Variants in MOBP observed in about 807,000 individuals in gnomAD.
MOBP encodes myelin-associated oligodendrocyte basic protein.
A neutral mutation model predicts 15.0 loss-of-function variants in MOBP; 5 were observed. The observed-to-expected ratio is 0.33, with a 90% CI of 0.17 to 0.70. MOBP has a LOEUF of 0.70. MOBP is among the 30% of genes least tolerant of loss of function. The pLI is 0.67. For synonymous variants in MOBP, 88 were observed against 99.0 expected (o/e 0.89, Z 0.66); for missense variants, 188 against 257.8 (o/e 0.73, Z 1.85).
At chr3:39,523,983 G>A (rs1256211970) in intron 3 of MOBP, among the ~76,000 whole-genome samples, 3 of 152,144 alleles carry the variant, frequency 2.0e-5, no homozygotes, top group African/African-American at 7.2e-5. Context: ...CATCCTGATG[G>A]CTAAGAAAAA....
At chr3:39,507,094 C>G (rs2043058584), downstream of MOBP, among the ~76,000 whole-genome samples, 1 of 152,168 alleles carries the variant, frequency 6.6e-6, no homozygotes, top group Admixed American at 6.5e-5. Context: ...TATGATTTTG[C>G]CTTCTCTTGT....
At chr3:39,478,491 C>T (rs1160265030) in intron 1 of MOBP, among the ~76,000 whole-genome samples, 1 of 152,148 alleles carries the variant, frequency 6.6e-6, no homozygotes, top group Admixed American at 6.5e-5. Flanking sequence ...TGTATATTTT[C>T]CCAGTGGTTC....
At chr3:39,480,342 G>A (rs1768206) in intron 2 of MOBP, among the ~76,000 whole-genome samples, 32,573 of 151,924 alleles carry the variant, frequency 0.21, 3,910 homozygotes, top group African/African-American at 0.31. Context: ...TACCCCAGAG[G>A]GACTATGACC....
intron 1 of MOBP, among the ~76,000 whole-genome samples, chr3:39,468,934 CATTGTGTGTATATATACATATATACAT>C (rs2042399488): frequency 1.3e-5 from 1 of 77,906 alleles, no homozygotes; most frequent in African/African-American, 9.6e-5. Context: ...TACATATATA[CATTGTGTGTATATATACATATATACAT>C]ATGTGTGTGT....
Position 39,502,924 on chromosome 3 carries a change from T to A in MOBP, c.*44T>A. ...GTTCCCCAGCCCTAAGGTTAGTAGT[T>A]GCTTCCTGTGTTTACTAACACCGGG... On this transcript the variant is annotated 3_prime_UTR_variant, in exon 4 of 4. Transcript: ENST00000684792. This position sits in a 1 kb window ranked among gnomAD's most constrained non-coding sequence, Gnocchi z 6.3. 1 of 896,462 alleles carries A rather than the reference T, an allele frequency of 1.1e-6. No individual in the cohort carries two copies. Among genetic ancestry groups the A allele is most frequent in the Non-Finnish European group, 1.7e-6 (1 of 604,146 alleles). 55.5% of individuals were successfully genotyped at this position (896,462 alleles called of 1,614,324 possible).
chr3:39,497,273 C>T (rs2042901536), intron 2 of MOBP, among the ~76,000 whole-genome samples: 1 of 152,224 alleles, frequency 6.6e-6, no homozygotes, highest in Admixed American at 6.5e-5. Flanking sequence ...CTGGCGCTGG[C>T]AGAGAAGTCC....
At chr3:39,501,178 A>G (rs559737364) in intron 2 of MOBP, among the ~76,000 whole-genome samples, 13 of 152,364 alleles carry the variant, frequency 8.5e-5, no homozygotes, top group African/African-American at 3.1e-4. Context: ...CATGCTTTGT[A>G]CACACTTGTA....
chr3:39,525,326 G>A (rs893267765), downstream of MOBP: 5 of 152,218 alleles, frequency 3.3e-5, no homozygotes, highest in Non-Finnish European at 5.9e-5. Context: ...TGTTCTTGTG[G>A]CTTCTGATGA....
At chr3:39,491,541 GT>G (rs5848506) in intron 2 of MOBP, among the ~76,000 whole-genome samples, 45,250 of 151,930 alleles carry the variant, frequency 0.3, 9,118 homozygotes, top group African/African-American at 0.57. Flanking sequence ...TATATTTTGG[GT>G]TTTTGTAATT....
At chr3:39,491,825 T>A (rs985624988) in intron 2 of MOBP, among the ~76,000 whole-genome samples, 3 of 152,162 alleles carry the variant, frequency 2.0e-5, no homozygotes, top group Non-Finnish European at 4.4e-5. Flanking sequence ...CAGATACTTG[T>A]TTTCTCCTTT....
chr3:39,522,905 G>C (rs1487985770), intron 3 of MOBP, among the ~76,000 whole-genome samples: 1 of 152,190 alleles, frequency 6.6e-6, no homozygotes. Context: ...CACTTGAAGG[G>C]CTGCAGCCAG....
At chr3:39,518,349 C>T (rs1657228461), downstream of MOBP, among the ~76,000 whole-genome samples, 1 of 152,050 alleles carries the variant, frequency 6.6e-6, no homozygotes, top group Non-Finnish European at 1.5e-5. Flanking sequence ...GATGTTGGTC[C>T]TTTAGTTAGG....
rs1189915979 is a variant in MOBP, at chr3:39,469,043, CAT to C, written c.-89+1306_-89+1307del. Among the ~76,000 whole-genome samples the C allele has an allele frequency of 1.5e-4, 7 of 46,458 alleles. No individual in the cohort carries two copies. In the East Asian group the frequency reaches 1.5e-3, roughly 10 times the overall value. 30.5% of individuals were successfully genotyped at this position (46,458 alleles called of 152,430 possible). On this transcript the variant is annotated intron_variant, in intron 1 of 3. Coordinates refer to ENST00000684792, the MANE Select transcript of MOBP (RefSeq NM_001393704.1). ...ATGTGTGTATATATATACATATATA[CAT>C]ATGTGTGTGTATATACATATATACA...
At chr3:39,481,633 T>C (rs921338592) in intron 2 of MOBP, among the ~76,000 whole-genome samples, 1 of 152,166 alleles carries the variant, frequency 6.6e-6, no homozygotes, top group African/African-American at 2.4e-5. Context: ...TCTAGCTACT[T>C]CTCTCCCACT....
intron 2 of MOBP, among the ~76,000 whole-genome samples, chr3:39,485,058 T>C (rs1183625669): frequency 6.6e-6 from 1 of 152,248 alleles, no homozygotes; most frequent in African/African-American, 2.4e-5. Context: ...CAGTATTAGA[T>C]TTTGACATCT....
At chr3:39,479,393 C>CT (rs34813360) in intron 1 of MOBP, among the ~76,000 whole-genome samples, 2,720 of 136,240 alleles carry the variant, frequency 0.02, 68 homozygotes, top group African/African-American at 0.063. Context: ...CTTATAAGAC[C>CT]TTTTTTTTTT....
At chr3:39,477,508 A>G (rs962245849) in intron 1 of MOBP, among the ~76,000 whole-genome samples, 5 of 152,008 alleles carry the variant, frequency 3.3e-5, no homozygotes, top group African/African-American at 9.7e-5. Context: ...AATTATGTAC[A>G]GTACATAATA....
intron 2 of MOBP, chr3:39,499,810 A>C (rs2042943703): frequency 6.0e-6 from 2 of 333,260 alleles, no homozygotes; most frequent in African/African-American, 4.4e-5. Context: ...CCAATTCTGC[A>C]ATGCAGATAG....
chr3:39,512,267 T>TG (rs1484756749), intron 4 of MOBP, among the ~76,000 whole-genome samples: 1 of 152,184 alleles, frequency 6.6e-6, no homozygotes, highest in Non-Finnish European at 1.5e-5. Flanking sequence ...CAGAGATACT[T>TG]GCTGAGGGTG....
Sources: gnomAD v4.1 joint callset for allele counts (sites outside exome capture counted in the v4.1 genomes callset) on GRCh38, gnomAD v4.1.1 for gene constraint, Gnocchi (gnomAD v3.1) non-coding constraint, MANE v1.5 for transcripts, NCBI Gene and HGNC (gene_info 2026-07-23, HGNC 2026-07-21) for gene names.